Variants in DENND1A observed in about 807,000 individuals in gnomAD.
The protein encoded by DENND1A is DENN domain-containing protein 1A.
DENND1A carries 51 observed loss-of-function variants against 113.7 expected under a neutral mutation model. That is an observed-to-expected ratio of 0.45 (90% CI 0.36 to 0.57). The LOEUF (loss-of-function observed/expected upper bound fraction) is 0.57, where lower values mean the gene tolerates loss of function less well. Ranked by LOEUF, DENND1A falls within the 20% of genes least tolerant of loss-of-function variation. The probability of loss-of-function intolerance (pLI) is 0.00; values close to 1 mark genes in which losing one functional copy is unlikely to be tolerated. For synonymous variants in DENND1A, 565 were observed against 570.8 expected, an observed-to-expected ratio of 0.99 and a Z score of 0.14; for missense variants, 1,258 against 1,395.9, an observed-to-expected ratio of 0.90 and a Z score of 1.57.
chr9:123,665,746 T>C (rs1369727725), intron 8 of DENND1A, among the ~76,000 whole-genome samples: 9 of 152,176 alleles, frequency 5.9e-5, no homozygotes, highest in Non-Finnish European at 1.0e-4. Context: ...TGTACGCCAA[T>C]GTTCAAAGCA....
rs71390447 is a variant in DENND1A at position 123,830,873 on chromosome 9, G to GAAAAAAAA, written c.89-38251_89-38244dup. Among the ~76,000 whole-genome samples, 146 of 39,322 alleles carry GAAAAAAAA rather than the reference G, an allele frequency of 3.7e-3. 1 individual carries two copies. The highest frequency in any genetic ancestry group is 5.5e-3 in the East Asian group (6 of 1,094). The allele number at this position is 39,322 out of a possible 152,430, so 25.8% of individuals were successfully genotyped here. ...AAGAGTGAAATTTCATCTCAAAAAT[G>GAAAAAAAA]AAAAAAAAAAAAAAAAAAAAAAAAA... On this transcript the variant is annotated intron_variant, in intron 2 of 23. Coordinates refer to ENST00000394215, the MANE Select transcript of DENND1A (RefSeq NM_001352964.2).
intron 1 of DENND1A, among the ~76,000 whole-genome samples, chr9:123,891,656 A>G (rs555692566): frequency 6.6e-6 from 1 of 152,196 alleles, no homozygotes; most frequent in Non-Finnish European, 1.5e-5. Flanking sequence ...ATCGTACTAA[A>G]TCAGATACCA....
chr9:123,541,956 C>T (rs2056320426), intron 13 of DENND1A, among the ~76,000 whole-genome samples: 1 of 152,246 alleles, frequency 6.6e-6, no homozygotes, highest in South Asian at 2.1e-4. Flanking sequence ...CAGTACCAAA[C>T]TACAGTGCAC....
chr9:123,800,305 A>G (rs1834428329), intron 2 of DENND1A, among the ~76,000 whole-genome samples: 1 of 152,214 alleles, frequency 6.6e-6, no homozygotes, highest in Non-Finnish European at 1.5e-5. Context: ...GAGTCCCACT[A>G]AACATTTTTG....
At chr9:123,789,983 TTGTGTG>T in intron 3 of DENND1A, among the ~76,000 whole-genome samples, 1 of 149,992 alleles carries the variant, frequency 6.7e-6, no homozygotes, top group Middle Eastern at 3.4e-3. Flanking sequence ...GAGGGGGAAT[TTGTGTG>T]TGTGTGTGTG....
intron 13 of DENND1A, among the ~76,000 whole-genome samples, chr9:123,539,120 T>A (rs867904614): frequency 6.6e-6 from 1 of 151,936 alleles, no homozygotes; most frequent in African/African-American, 2.4e-5. Flanking sequence ...TAAACAGATA[T>A]AGATATTAAA....
In DENND1A at chr9:123,904,349, C is replaced by T. The variant is rs1245208425; in HGVS notation, c.18-25328G>A. Reference sequence around the variant, plus strand: ...AAGGAACGCAGTTCCTCACCAGCAACGGAACAAAGCTGGATGGAGAATGAC... The same window carrying T: ...AAGGAACGCAGTTCCTCACCAGCAATGGAACAAAGCTGGATGGAGAATGAC... On this transcript the variant is annotated intron_variant, in intron 1 of 23. Coordinates refer to ENST00000394215, the MANE Select transcript of DENND1A (RefSeq NM_001352964.2). Among the ~76,000 whole-genome samples, 5 of 151,894 alleles carry T rather than the reference C, an allele frequency of 3.3e-5. No homozygotes were observed. The South Asian group carries it at 6.2e-4, about 19-fold the overall frequency.
chr9:123,850,498 C>CTCACTTTATTGCGCTAT (rs1398524481), intron 2 of DENND1A, among the ~76,000 whole-genome samples: 5 of 152,182 alleles, frequency 3.3e-5, no homozygotes, highest in African/African-American at 1.2e-4. Context: ...AAATTTGTGA[C>CTCACTTTATTGCGCTAT]TCACTTTATT....
intron 16 of DENND1A, among the ~76,000 whole-genome samples, chr9:123,454,012 A>G (rs2047928414): frequency 6.6e-6 from 1 of 152,212 alleles, no homozygotes; most frequent in Non-Finnish European, 1.5e-5. Context: ...CTCTCCGCCA[A>G]CTGCAGCCAC....
intron 4 of DENND1A, among the ~76,000 whole-genome samples, chr9:123,766,083 C>T (rs902497189): frequency 7.2e-5 from 11 of 152,182 alleles, no homozygotes; most frequent in Admixed American, 2.0e-4. Context: ...CACAGTCACC[C>T]TCTCCCCAGC....
At chr9:123,531,544 C>CCT (rs138320861) in intron 13 of DENND1A, among the ~76,000 whole-genome samples, 64 of 108,120 alleles carry the variant, frequency 5.9e-4, no homozygotes, top group Non-Finnish European at 7.4e-4. Flanking sequence ...TCTCTTCCCC[C>CCT]CTCTCTCTCT....
At chr9:123,388,657 C>G (rs978433312) in intron 21 of DENND1A, among the ~76,000 whole-genome samples, 3 of 152,202 alleles carry the variant, frequency 2.0e-5, no homozygotes, top group African/African-American at 7.2e-5. Context: ...CCCTTGTCAG[C>G]CACCTGTGAG....
At chr9:123,440,277 C>G in intron 19 of DENND1A, 83 bp downstream of exon 19, 1 of 1,442,386 alleles carries the variant, frequency 6.9e-7, no homozygotes, top group South Asian at 1.4e-5. Context: ...AAATGAAAAA[C>G]CGTCTGCTGC....
At chr9:123,690,641 T>C (rs1050842239) in intron 5 of DENND1A, among the ~76,000 whole-genome samples, 1 of 152,248 alleles carries the variant, frequency 6.6e-6, no homozygotes, top group African/African-American at 2.4e-5. Context: ...ACATGTATTA[T>C]TTTATTAACT....
At chr9:123,722,371 A>G (rs1338512123) in intron 5 of DENND1A, among the ~76,000 whole-genome samples, 1 of 152,258 alleles carries the variant, frequency 6.6e-6, no homozygotes, top group Admixed American at 6.5e-5. Context: ...TAGAAAAGAA[A>G]ATCCCATTTT....
At chr9:123,572,405 C>T (rs777852843) in intron 12 of DENND1A, among the ~76,000 whole-genome samples, 25 of 152,276 alleles carry the variant, frequency 1.6e-4, no homozygotes, top group African/African-American at 1.4e-4. Flanking sequence ...CACATACATA[C>T]GTTTTCCTTT....
intron 18 of DENND1A, among the ~76,000 whole-genome samples, chr9:123,449,263 G>A (rs571065983): frequency 7.6e-4 from 115 of 152,300 alleles, no homozygotes; most frequent in African/African-American, 2.6e-3. Context: ...CAGGCCAGAC[G>A]CGGTGGCTCA....
intron 16 of DENND1A, among the ~76,000 whole-genome samples, chr9:123,454,400 T>G (rs2047956770): frequency 6.6e-6 from 1 of 152,152 alleles, no homozygotes; most frequent in Admixed American, 6.5e-5. Flanking sequence ...ACAGCAGCAA[T>G]TTTTGGTTTG....
chr9:123,770,824 T>C (rs1453258695), intron 3 of DENND1A, among the ~76,000 whole-genome samples: 1 of 152,218 alleles, frequency 6.6e-6, no homozygotes, highest in Non-Finnish European at 1.5e-5. Flanking sequence ...GAATTATCAA[T>C]GCTAACTGAA....
Sources: gnomAD v4.1 joint callset for allele counts (sites outside exome capture counted in the v4.1 genomes callset) on GRCh38, gnomAD v4.1.1 for gene constraint, MANE v1.5 for transcripts, NCBI Gene and HGNC (gene_info 2026-07-23, HGNC 2026-07-21) for gene names.